The following RBFOX1 variants were observed in gnomAD, a reference collection of about 807,000 sequenced individuals.
The protein encoded by RBFOX1 is RNA binding fox-1 homolog 1, also known as RNA binding protein fox-1 homolog 1.
Under a neutral mutation model 57.7 loss-of-function variants are expected in RBFOX1, and 8 were observed. The ratio of observed to expected loss-of-function variants is 0.14; its 90% CI spans 0.08 to 0.25. The LOEUF (loss-of-function observed/expected upper bound fraction) is 0.25, where lower values mean the gene tolerates loss of function less well. Among genes scored for constraint, RBFOX1 ranks in the 10% least tolerant of loss-of-function variants. The probability of loss-of-function intolerance (pLI) is 1.00; values close to 1 mark genes in which losing one functional copy is unlikely to be tolerated. For missense variants in RBFOX1, 611 were observed against 548.5 expected (o/e 1.11, Z -1.14); for synonymous variants, 326 against 222.4 (o/e 1.47, Z -4.15).
chr16:6,449,580 C>G (rs1438407473), intron 2 of RBFOX1, among the ~76,000 whole-genome samples: 1 of 152,200 alleles, frequency 6.6e-6, no homozygotes, highest in Non-Finnish European at 1.5e-5. Context: ...CCACTGCACA[C>G]AGAGCCTTAT....
Position 6,496,199 on chromosome 16 carries a change from C to CT in RBFOX1, c.-63-158395dup, listed in dbSNP as rs898024408. Among the ~76,000 whole-genome samples, 51 of 151,784 alleles carry CT rather than the reference C, an allele frequency of 3.4e-4. No individual in the cohort carries two copies. The South Asian group carries it at 9.4e-3, about 28-fold the overall frequency. ...TTAGTGTTTATAAAAGGCATGTGCA[C>CT]TTTTTTTTTCTATTGTCCTGCAAAT... is the stretch of plus-strand genomic sequence containing the variant. On this transcript the variant is annotated intron_variant, in intron 2 of 15. Transcript: ENST00000550418.
chr16:6,400,933 G>A (rs2093044529), intron 2 of RBFOX1, among the ~76,000 whole-genome samples: 1 of 152,118 alleles, frequency 6.6e-6, no homozygotes, highest in South Asian at 2.1e-4. Flanking sequence ...GATGGTGTTG[G>A]ATTGAAATTG....
At chr16:5,747,208 C>G (rs1217645710) in intron 3 of RBFOX1, among the ~76,000 whole-genome samples, 3 of 152,178 alleles carry the variant, frequency 2.0e-5, no homozygotes, top group East Asian at 1.9e-4. Flanking sequence ...ATATGTTGAA[C>G]CAGCCTTGCA....
At chr16:6,753,957 T>A (rs543980181) in intron 3 of RBFOX1, among the ~76,000 whole-genome samples, 1 of 152,274 alleles carries the variant, frequency 6.6e-6, no homozygotes, top group South Asian at 2.1e-4. Flanking sequence ...AGAGAATCAC[T>A]CCTTATGGAG....
intron 1 of RBFOX1, among the ~76,000 whole-genome samples, chr16:5,282,706 C>T (rs943001860): frequency 1.1e-4 from 16 of 152,170 alleles, no homozygotes; most frequent in Non-Finnish European, 1.6e-4. Context: ...TTCTAAGCAG[C>T]AAAGCATTCA....
Position 7,561,515 on chromosome 16 carries a change from A to G in RBFOX1, c.271-18262A>G, listed in dbSNP as rs527408936. Among the ~76,000 whole-genome samples, 8 of 152,356 alleles carry G rather than the reference A, an allele frequency of 5.3e-5. No individual in the cohort carries two copies. In the South Asian group the frequency reaches 8.3e-4, roughly 16 times the overall value. On this transcript the variant is annotated intron_variant, in intron 5 of 15. Transcript: ENST00000550418. ...CTCCGAAATATCCTGACTAGTGTCA[A>G]TTTGCAGAAATTGTGCAGTTTATGT...
intron 1 of RBFOX1, among the ~76,000 whole-genome samples, chr16:5,325,614 A>T (rs1412123143): frequency 6.6e-6 from 1 of 152,146 alleles, no homozygotes; most frequent in Non-Finnish European, 1.5e-5. Context: ...CCCACTGATG[A>T]TCCACTCATC....
chr16:5,393,556 C>A (rs1489419710), intron 1 of RBFOX1, among the ~76,000 whole-genome samples: 1 of 152,210 alleles, frequency 6.6e-6, no homozygotes, highest in Non-Finnish European at 1.5e-5. Flanking sequence ...GGATTTTGTC[C>A]TGCTCAATGG....
intron 3 of RBFOX1, among the ~76,000 whole-genome samples, chr16:5,646,124 G>A (rs536541424): frequency 6.6e-6 from 1 of 151,630 alleles, no homozygotes; most frequent in African/African-American, 2.4e-5. Flanking sequence ...CTGCCTCCCG[G>A]GTTTACACTA....
intron 1 of RBFOX1, among the ~76,000 whole-genome samples, chr16:6,070,730 T>C (rs11643498): frequency 0.27 from 41,429 of 151,926 alleles, 5,840 homozygotes; most frequent in Non-Finnish European, 0.3. Context: ...CCCTTTATCA[T>C]TGCAATTCAT....
intron 1 of RBFOX1, among the ~76,000 whole-genome samples, chr16:5,280,806 A>G (rs1596379614): frequency 6.8e-6 from 1 of 147,546 alleles, no homozygotes; most frequent in South Asian, 2.1e-4. Context: ...GATTGTATTT[A>G]TTTGGGTCTC....
At chr16:6,688,237 G>C (rs975029683) in intron 3 of RBFOX1, among the ~76,000 whole-genome samples, 1 of 151,914 alleles carries the variant, frequency 6.6e-6, no homozygotes, top group Non-Finnish European at 1.5e-5. Context: ...GAGGAAGAGA[G>C]AGATGGCAGG....
At chr16:7,551,993 C>T (rs1232908360) in intron 5 of RBFOX1, among the ~76,000 whole-genome samples, 3 of 152,140 alleles carry the variant, frequency 2.0e-5, no homozygotes, top group Admixed American at 6.5e-5. Flanking sequence ...GTGTCCACAT[C>T]CTCCATTTCT....
rs17500095 is a variant in RBFOX1 at position 5,589,691 on chromosome 16, C to G, written c.259-9211C>G. Among the ~76,000 whole-genome samples, 772 of 152,312 alleles carry G rather than the reference C, an allele frequency of 5.1e-3. 6 individuals are homozygous for G. Among genetic ancestry groups the G allele is most frequent in the Middle Eastern group, 0.01 (3 of 294 alleles). On this transcript the variant is annotated intron_variant, in intron 2 of 2. Transcript: ENST00000585867. ...CCATAATGGACTGGGTTGAAGCATT[C>G]TGTAAGGTTACCTAGTCCTCATTTT...
chr16:5,979,024 G>T (rs1042936657), intron 4 of RBFOX1, among the ~76,000 whole-genome samples: 2 of 152,104 alleles, frequency 1.3e-5, no homozygotes, highest in South Asian at 4.2e-4. Flanking sequence ...GGCCCCTCTC[G>T]CCTTCTCCTC....
At chr16:6,942,839 TGAG>T (rs1313095637) in intron 3 of RBFOX1, among the ~76,000 whole-genome samples, 4 of 152,198 alleles carry the variant, frequency 2.6e-5, no homozygotes, top group East Asian at 1.9e-4. Flanking sequence ...GAACAGGTTT[TGAG>T]GAGGACAGTC....
chr16:7,306,866 T>C (rs2096201478), intron 4 of RBFOX1, among the ~76,000 whole-genome samples: 1 of 152,164 alleles, frequency 6.6e-6, no homozygotes, highest in South Asian at 2.1e-4. Flanking sequence ...ACATAAATCA[T>C]ATCGATAAGT....
chr16:6,488,523 C>G (rs1274048055), intron 2 of RBFOX1, among the ~76,000 whole-genome samples: 3 of 151,910 alleles, frequency 2.0e-5, no homozygotes, highest in Non-Finnish European at 2.9e-5. Context: ...ATTACCATGC[C>G]TAATTTAGAG....
chr16:6,662,081 G>C (rs1323766679), intron 3 of RBFOX1, among the ~76,000 whole-genome samples: 1 of 151,310 alleles, frequency 6.6e-6, no homozygotes, highest in Non-Finnish European at 1.5e-5. Context: ...ATCTAAGAAA[G>C]TGAAACTCAA....
Sources: gnomAD v4.1 joint callset for allele counts (sites outside exome capture counted in the v4.1 genomes callset) on GRCh38, gnomAD v4.1.1 for gene constraint, MANE v1.5 for transcripts, NCBI Gene and HGNC (gene_info 2026-07-23, HGNC 2026-07-21) for gene names.